Variants in CNTN6 observed in about 807,000 individuals in gnomAD.
The protein encoded by CNTN6 is contactin 6.
Under a neutral mutation model 122.8 loss-of-function variants are expected in CNTN6, and 137 were observed. That is an observed-to-expected ratio of 1.12 (90% CI 0.97 to 1.29). The LOEUF is 1.29. CNTN6 is among the 50% of genes most tolerant of loss of function. The pLI is 0.00. For synonymous variants in CNTN6, 570 were observed against 426.0 expected, an observed-to-expected ratio of 1.34 and a Z score of -4.16; for missense variants, 1,634 against 1,223.4, an observed-to-expected ratio of 1.34 and a Z score of -5.01.
intron 11 of CNTN6, among the ~76,000 whole-genome samples, chr3:1,351,718 A>T (rs1026227595): frequency 2.0e-5 from 3 of 151,896 alleles, no homozygotes; most frequent in Non-Finnish European, 4.4e-5. Context: ...TTCATAATTA[A>T]CCCATGAAGC....
chr3:1,126,297 A>G (rs989796758), intron 1 of CNTN6, among the ~76,000 whole-genome samples: 2 of 151,882 alleles, frequency 1.3e-5, no homozygotes, highest in Non-Finnish European at 2.9e-5. Flanking sequence ...TCCTAATTAT[A>G]AATGTTTATT....
intron 1 of CNTN6, among the ~76,000 whole-genome samples, chr3:1,099,851 T>C (rs1315772908): frequency 6.6e-6 from 1 of 152,232 alleles, no homozygotes; most frequent in Non-Finnish European, 1.5e-5. Context: ...TTATTCATTT[T>C]TTCAACTTTT....
intron 4 of CNTN6, among the ~76,000 whole-genome samples, chr3:1,262,649 C>T (rs925512424): frequency 4.6e-5 from 7 of 152,096 alleles, no homozygotes; most frequent in African/African-American, 1.4e-4. Flanking sequence ...ACCAGTTGGT[C>T]GTTTAGGCCT....
Position 1,329,797 on chromosome 3 carries a change from A to T in CNTN6, c.1226A>T (p.Asp409Val), listed in dbSNP as rs1702034562. ...AELRVLASAP[D>V]FSKSPVKKKS... ...ATTTTGTTTTTAGCCTCAGCTCCAG[A>T]TTTCTCCAAAAGTCCAGTTAAAAAA... The change falls in exon 11 of 23, where the codon GAT becomes GTT. Residue 409 changes from aspartate (D) to valine (V), a missense_variant. Asp to Val is a radical substitution (Grantham distance 152, BLOSUM62 -3). Transcript: ENST00000446702. 6.2e-7 allele frequency: 1 copy of T among 1,606,134 alleles called. No individual in the cohort carries two copies. The highest frequency in any genetic ancestry group is 1.3e-5 in the African/African-American group (1 of 74,346).
intron 11 of CNTN6, among the ~76,000 whole-genome samples, chr3:1,341,263 A>C (rs155402): frequency 0.53 from 79,478 of 151,340 alleles, 21,798 homozygotes; most frequent in Non-Finnish European, 0.61. Context: ...CATACTTTCT[A>C]GTCTTTTCTT....
At chr3:1,178,467 T>C (rs1159735652) in intron 2 of CNTN6, among the ~76,000 whole-genome samples, 2 of 152,204 alleles carry the variant, frequency 1.3e-5, no homozygotes, top group Admixed American at 6.5e-5. Flanking sequence ...CTGCTGATGA[T>C]GCATATTGTC....
intron 2 of CNTN6, among the ~76,000 whole-genome samples, chr3:1,180,930 T>A (rs1248986929): frequency 2.0e-5 from 3 of 152,212 alleles, no homozygotes; most frequent in Non-Finnish European, 4.4e-5. Flanking sequence ...TCTCTTTTAG[T>A]TTCTTCCTCA....
intron 1 of CNTN6, among the ~76,000 whole-genome samples, chr3:1,135,521 G>T (rs1202501076): frequency 6.6e-6 from 1 of 152,144 alleles, no homozygotes; most frequent in Admixed American, 6.5e-5. Flanking sequence ...GGAAGAAAGT[G>T]CATTCTTTCT....
At chr3:1,112,075 G>T (rs1280351643) in intron 1 of CNTN6, among the ~76,000 whole-genome samples, 1 of 152,018 alleles carries the variant, frequency 6.6e-6, no homozygotes, top group Non-Finnish European at 1.5e-5. Context: ...GAATAAGCTG[G>T]GGAACCTCTG....
intron 2 of CNTN6, among the ~76,000 whole-genome samples, chr3:1,216,654 G>A (rs1055644253): frequency 4.6e-5 from 7 of 152,146 alleles, no homozygotes; most frequent in Admixed American, 2.6e-4. Flanking sequence ...GAAGTAAATT[G>A]TCCAGCACTG....
chr3:1,280,978 G>A (rs1293677585), intron 5 of CNTN6, among the ~76,000 whole-genome samples: 2 of 152,180 alleles, frequency 1.3e-5, no homozygotes, highest in South Asian at 2.1e-4. Flanking sequence ...TTAGTCCCTC[G>A]AACATTTCAA....
rs1310622554 is a variant in CNTN6 at position 1,245,310 on chromosome 3, ATATATAT to A, written c.358+17318_358+17324del. On this transcript the variant is annotated intron_variant, in intron 4 of 22. Coordinates refer to ENST00000446702, the MANE Select transcript of CNTN6 (RefSeq NM_001289080.2). The stretch of plus-strand genomic sequence containing the variant: ...ATATATATAACATATATATATATAT[ATATATAT>A]ATATATATATATATATATAGCATGG... Among the ~76,000 whole-genome samples the A allele has an allele frequency of 3.6e-4, 6 of 16,754 alleles. 1 individual carries two copies. In the Admixed American group the frequency reaches 4.7e-3, roughly 13 times the overall value. 11.0% of individuals were successfully genotyped at this position (16,754 alleles called of 152,430 possible).
In CNTN6 at chr3:1,204,196, T is replaced by C. The variant is rs539606199; in HGVS notation, c.56-16491T>C. 1.8e-4 allele frequency among the ~76,000 whole-genome samples: 27 copies of C among 152,290 alleles called. No individual in the cohort carries two copies. In the South Asian group the frequency reaches 5.2e-3, roughly 29 times the overall value. Reference sequence around the variant, plus strand: ...CCAATGACATTTCAGAGAGACACACTCTTATCTCAAAGAGGAACCAATGGG... The same window carrying C: ...CCAATGACATTTCAGAGAGACACACCCTTATCTCAAAGAGGAACCAATGGG... On this transcript the variant is annotated intron_variant, in intron 2 of 22. Coordinates refer to ENST00000446702, the MANE Select transcript of CNTN6 (RefSeq NM_001289080.2).
intron 2 of CNTN6, among the ~76,000 whole-genome samples, chr3:1,220,007 A>G: frequency 1.1e-5 from 1 of 94,508 alleles, no homozygotes; most frequent in East Asian, 2.1e-4. Flanking sequence ...GTCTCAAAAA[A>G]TAAAAAGAAA....
chr3:1,098,095 G>A (rs949064843), intron 1 of CNTN6, among the ~76,000 whole-genome samples: 4 of 99,168 alleles, frequency 4.0e-5, no homozygotes, highest in South Asian at 2.7e-4. Flanking sequence ...GTATATTTGC[G>A]GGGGGGGGAG....
intron 1 of CNTN6, among the ~76,000 whole-genome samples, chr3:1,141,042 A>G (rs952852807): frequency 6.6e-6 from 1 of 152,168 alleles, no homozygotes; most frequent in Non-Finnish European, 1.5e-5. Flanking sequence ...CAGATCACAA[A>G]TAGTTCACTT....
chr3:1,232,955 C>T (rs546551212), intron 4 of CNTN6, among the ~76,000 whole-genome samples: 59 of 152,170 alleles, frequency 3.9e-4, no homozygotes, highest in African/African-American at 1.2e-3. Context: ...CTTCAAGTAT[C>T]GAAGAAAGTG....
rs1176730376 is a variant in CNTN6, at chr3:1,099,494, G to GATAT, written c.-83+6377_-83+6380dup. 4.6e-5 allele frequency among the ~76,000 whole-genome samples: 7 copies of GATAT among 152,036 alleles called. No homozygotes were observed. The East Asian group carries it at 1.2e-3, about 25-fold the overall frequency. ...TTTAAATAAATAAATACAGTTCTAG[G>GATAT]ATATATTTCACCTTATGTGTTTTAT... On this transcript the variant is annotated intron_variant, in intron 1 of 22. Coordinates refer to ENST00000446702, the MANE Select transcript of CNTN6 (RefSeq NM_001289080.2).
At chr3:1,196,427 T>C (rs1287704743) in intron 2 of CNTN6, among the ~76,000 whole-genome samples, 1 of 152,192 alleles carries the variant, frequency 6.6e-6, no homozygotes, top group Non-Finnish European at 1.5e-5. Flanking sequence ...AACACTTCCT[T>C]CTTTTCAGAT....
Sources: allele counts gnomAD v4.1 joint callset (sites outside exome capture counted in the v4.1 genomes callset), GRCh38; gene constraint gnomAD v4.1.1; transcripts MANE v1.5; gene names NCBI Gene and HGNC (gene_info 2026-07-23, HGNC 2026-07-21).